PIK3R5: variants seen among roughly 807,000 people sequenced by gnomAD.
PIK3R5 encodes the protein phosphoinositide 3-kinase regulatory subunit 5.
In PIK3R5, 32 loss-of-function variants were observed where a neutral mutation model predicts 94.9. The ratio of observed to expected loss-of-function variants is 0.34; its 90% confidence interval spans 0.25 to 0.45. The LOEUF is 0.45. PIK3R5 is among the 20% of genes least tolerant of loss of function. The pLI is 1.00. For missense variants in PIK3R5, 853 were observed against 1,144.6 expected, an observed-to-expected ratio of 0.75 and a Z score of 3.68; for synonymous variants, 443 against 479.4, an observed-to-expected ratio of 0.92 and a Z score of 0.99.
Position 8,904,891 on chromosome 17 carries a change from C to A in PIK3R5, c.298G>T (p.Asp100Tyr). 6.2e-7 allele frequency: 1 copy of A among 1,613,528 alleles called. No homozygotes were observed. The highest frequency in any genetic ancestry group is 8.5e-7 in the Non-Finnish European group (1 of 1,180,014). The change falls in exon 5 of 19, where the codon GAT (aspartate) becomes TAT (tyrosine). Residue 100 changes from aspartate to tyrosine, a missense_variant. By Grantham distance (160) the Asp-to-Tyr change is radical. Transcript: ENST00000447110. The surrounding 1 kb of genome is among the most constrained non-coding windows in gnomAD (Gnocchi z 5.1). ...GTGCTGGCTGCCTTCAGAAGGAGAT[C>A]CGAGTCTGGTGGGAAGTGTGGTGTC... ...LCTPHFPPDS[D>Y]LLLKAASTYH...
chr17:8,903,065 G>A (rs907796886), intron 5 of PIK3R5, among the ~76,000 whole-genome samples: 2 of 152,024 alleles, frequency 1.3e-5, no homozygotes, highest in African/African-American at 4.8e-5. Context: ...GGCTGGTCTC[G>A]AACTCCTGAC....
At position 8,896,117 on chromosome 17, in the gene PIK3R5, C is replaced by T. The variant is rs193269742; in HGVS notation, c.413-2462G>A. On this transcript the variant is annotated intron_variant, in intron 5 of 18. Transcript: ENST00000447110. The surrounding 1 kb of genome is among the most constrained non-coding windows in gnomAD (Gnocchi z 4.0). ...TTTTGTACAGACTGACTCCTTTGAG[C>T]CTGGCTTAGAGATTGTACTGCCGAG... 4.6e-5 allele frequency among the ~76,000 whole-genome samples: 7 copies of T among 152,270 alleles called. No homozygotes were observed. Among genetic ancestry groups the T allele is most frequent in the African/African-American group, 1.7e-4 (7 of 41,542 alleles).
intron 1 of PIK3R5, among the ~76,000 whole-genome samples, chr17:8,930,479 T>C (rs79543302): frequency 0.028 from 4,331 of 152,258 alleles, 73 homozygotes; most frequent in Middle Eastern, 0.068. Flanking sequence ...AAATAACATA[T>C]ATTAAAACTG....
intron 1 of PIK3R5, among the ~76,000 whole-genome samples, chr17:8,944,232 T>A (rs558787352): frequency 6.6e-6 from 1 of 152,336 alleles, no homozygotes; most frequent in South Asian, 2.1e-4. Context: ...AATAGCTCCA[T>A]CCACATTTCT....
intron 6 of PIK3R5, among the ~76,000 whole-genome samples, chr17:8,891,236 G>C (rs536208412): frequency 3.3e-5 from 5 of 152,318 alleles, no homozygotes; most frequent in African/African-American, 1.2e-4. Context: ...CAGCTGAGTG[G>C]ATGCAAGATT....
At chr17:8,939,344 A>G (rs72807981) in intron 1 of PIK3R5, among the ~76,000 whole-genome samples, 9,659 of 152,284 alleles carry the variant, frequency 0.063, 346 homozygotes, top group Non-Finnish European at 0.067. Flanking sequence ...TGACATCTAC[A>G]GACCCCTCTT....
intron 1 of PIK3R5, among the ~76,000 whole-genome samples, chr17:8,947,423 G>T (rs78319348): frequency 0.012 from 1,787 of 152,302 alleles, 41 homozygotes; most frequent in African/African-American, 0.041. Flanking sequence ...AATCACGGAA[G>T]AAAATGCTAG....
chr17:8,894,986 C>A (rs2090119351), intron 5 of PIK3R5, among the ~76,000 whole-genome samples: 1 of 152,162 alleles, frequency 6.6e-6, no homozygotes, highest in African/African-American at 2.4e-5. Flanking sequence ...AACTTGGGAC[C>A]TAATTGCTTT....
chr17:8,924,775 A>C (rs2151433262), intron 1 of PIK3R5, among the ~76,000 whole-genome samples: 1 of 152,352 alleles, frequency 6.6e-6, no homozygotes, highest in South Asian at 2.1e-4. Context: ...TCTAACAAGA[A>C]AACAGATACT....
At chr17:8,958,918 C>T (rs535867074) in intron 1 of PIK3R5, among the ~76,000 whole-genome samples, 16 of 152,172 alleles carry the variant, frequency 1.1e-4, no homozygotes, top group African/African-American at 3.1e-4. Context: ...CCATCACGCC[C>T]GGCTAATATT....
In PIK3R5 at chr17:8,888,373, G is replaced by A. The variant is rs771187915; in HGVS notation, c.1414C>T (p.Arg472Trp). The A allele has an allele frequency of 2.5e-5, 40 of 1,607,860 alleles. No homozygotes were observed. Among genetic ancestry groups the A allele is most frequent in the South Asian group, 9.9e-5 (9 of 90,708 alleles). Residue 472 changes from arginine (R) to tryptophan (W), a missense_variant, in exon 10 of 19, where the codon CGG (arginine) becomes TGG (tryptophan). By Grantham distance (101) the Arg-to-Trp change is moderately radical (BLOSUM62 -3). This residue lies in a region of PIK3R5 where 319 missense variants were observed against 339.8 expected (regional missense o/e 0.94). Coordinates refer to ENST00000447110, the MANE Select transcript of PIK3R5 (RefSeq NM_001142633.3). This position sits in a 1 kb window ranked among gnomAD's most constrained non-coding sequence, Gnocchi z 7.8. ...GGCAGGGAGCGGGAGCGCTGGGCCC[G>A]GGAAGGGGGTGATACTGGTTCGTCC... Reference protein sequence around the residue: ...PLDEPVSPPSRAQRSRSLPQP... With the variant: ...PLDEPVSPPSWAQRSRSLPQP...
chr17:8,890,262 C>A lies in PIK3R5; in HGVS notation c.658-136G>T. On this transcript the variant is annotated intron_variant, in intron 7 of 18. Coordinates refer to ENST00000447110, the MANE Select transcript of PIK3R5 (RefSeq NM_001142633.3). This position sits in a 1 kb window ranked among gnomAD's most constrained non-coding sequence, Gnocchi z 6.1. ...CTCATCACCCATCTCCTACCCACAG[C>A]TGGCCAGGCAGCCAGGCCTCTCCCT... 1.1e-6 allele frequency: 1 copy of A among 877,352 alleles called. No individual in the cohort carries two copies. The highest frequency in any genetic ancestry group is 2.3e-5 in the Admixed American group (1 of 42,750). 54.3% of individuals were successfully genotyped at this position (877,352 alleles called of 1,614,324 possible).
intron 12 of PIK3R5, 123 bp from the exon 13 acceptor site, chr17:8,886,728 G>T: frequency 8.6e-7 from 1 of 1,166,366 alleles, no homozygotes; most frequent in Non-Finnish European, 1.2e-6. Context: ...GGGAGCTGGT[G>T]AGGTGGAAGC....
chr17:8,906,021 G>T (rs1483494903), intron 3 of PIK3R5, among the ~76,000 whole-genome samples: 2 of 152,020 alleles, frequency 1.3e-5, no homozygotes, highest in African/African-American at 4.8e-5. Context: ...TAAGTTCTGG[G>T]ATACATGTGC....
At chr17:8,954,305 A>C (rs950492961) in intron 1 of PIK3R5, among the ~76,000 whole-genome samples, 6 of 152,300 alleles carry the variant, frequency 3.9e-5, no homozygotes, top group Admixed American at 3.9e-4. Flanking sequence ...TTTAAACCTG[A>C]ATTTTACATC....
chr17:8,942,774 T>G (rs1385391177), intron 1 of PIK3R5, among the ~76,000 whole-genome samples: 1 of 151,716 alleles, frequency 6.6e-6, no homozygotes, highest in Non-Finnish European at 1.5e-5. Context: ...CCCGGCTAAT[T>G]TTTTGTATTT....
Position 8,884,284 on chromosome 17 carries a change from C to T in PIK3R5, c.2205+423G>A, listed in dbSNP as rs1324578912. On this transcript the variant is annotated intron_variant, in intron 15 of 18. Transcript: ENST00000447110. The surrounding 1 kb of genome is among the most constrained non-coding windows in gnomAD (Gnocchi z 5.8). Reference sequence around the variant, plus strand: ...CTGGCATGTCATGGACAGCCCTCCACCTCCCCACAGCTCTCCTCACTCCTT... The same window carrying T: ...CTGGCATGTCATGGACAGCCCTCCATCTCCCCACAGCTCTCCTCACTCCTT... 6.6e-6 allele frequency among the ~76,000 whole-genome samples: 1 copy of T among 152,118 alleles called. No individual in the cohort carries two copies. Among genetic ancestry groups the T allele is most frequent in the East Asian group, 1.9e-4 (1 of 5,194 alleles).
intron 1 of PIK3R5, among the ~76,000 whole-genome samples, chr17:8,959,010 G>C (rs192765977): frequency 4.0e-5 from 6 of 151,386 alleles, no homozygotes; most frequent in African/African-American, 1.5e-4. Context: ...TGCCCGCCTC[G>C]GCCTCCCAAA....
intron 11 of PIK3R5, 39 bp from the exon 12 acceptor site, chr17:8,887,260 G>A (rs751061438): frequency 6.2e-7 from 1 of 1,611,076 alleles, no homozygotes. Context: ...CAGCTCCCCA[G>A]GAGGCCTGCC....
Sources: allele counts gnomAD v4.1 joint callset (sites outside exome capture counted in the v4.1 genomes callset), GRCh38; gene constraint gnomAD v4.1.1; regional missense constraint gnomAD v4.1.1; non-coding constraint Gnocchi (gnomAD v3.1); transcripts MANE v1.5; gene names NCBI Gene and HGNC (gene_info 2026-07-23, HGNC 2026-07-21).